The following TRPS1 variants were observed in gnomAD, a reference collection of about 807,000 sequenced individuals.
TRPS1 encodes the protein transcriptional repressor GATA binding 1.
In TRPS1, 6 loss-of-function variants were observed where a neutral mutation model predicts 101.2. The ratio of observed to expected loss-of-function variants is 0.06; its 90% CI spans 0.03 to 0.12. The LOEUF (loss-of-function observed/expected upper bound fraction) is 0.12. TRPS1 is among the 10% of genes least tolerant of loss of function. The pLI, the probability that TRPS1 is intolerant of heterozygous loss-of-function variation, is 1.00. For synonymous variants in TRPS1, 578 were observed against 589.8 expected, an observed-to-expected ratio of 0.98 and a Z score of 0.29; for missense variants, 1,363 against 1,567.0, an observed-to-expected ratio of 0.87 and a Z score of 2.20.
chr8:115,655,599 A>G (rs1421134460), intron 1 of TRPS1, among the ~76,000 whole-genome samples: 1 of 152,184 alleles, frequency 6.6e-6, no homozygotes, highest in Non-Finnish European at 1.5e-5. Context: ...ACATTCTGTT[A>G]GCTCAGAAAG....
In TRPS1 at chr8:115,587,220, C is replaced by T. The variant is rs778380960; in HGVS notation, c.2481G>A (p.Leu827=). ...PSYTQASLGL[L]TPVSGTQEQT... ...GCTCTTGGGTGCCAGACACAGGCGT[C>T]AGCAGCCCCAGGCTTGCTTGGGTGT... The change falls in exon 5 of 7, where the codon CTG becomes CTA. Residue 827 remains leucine (L), a synonymous_variant. Transcript: ENST00000395715. 1 of 1,614,232 alleles carries T rather than the reference C, an allele frequency of 6.2e-7. No homozygotes were observed. Among genetic ancestry groups the T allele is most frequent in the South Asian group, 1.1e-5 (1 of 91,088 alleles).
intron 5 of TRPS1, among the ~76,000 whole-genome samples, chr8:115,540,841 T>C (rs1816435345): frequency 6.6e-6 from 1 of 151,900 alleles, no homozygotes; most frequent in South Asian, 2.1e-4. Context: ...ATATCTAATA[T>C]ATACCCATGA....
intron 5 of TRPS1, among the ~76,000 whole-genome samples, chr8:115,550,730 G>A (rs555578967): frequency 6.6e-6 from 1 of 152,202 alleles, no homozygotes; most frequent in East Asian, 1.9e-4. Flanking sequence ...AAAGCCCTTG[G>A]TATTCTTGGA....
chr8:115,434,785 A>C (rs1270772269), intron 5 of TRPS1, among the ~76,000 whole-genome samples: 1 of 152,212 alleles, frequency 6.6e-6, no homozygotes, highest in African/African-American at 2.4e-5. Context: ...AATGCTTATA[A>C]CCTGTCGAAA....
At chr8:115,511,323 C>G (rs1815577028) in intron 5 of TRPS1, 1 of 151,864 alleles carries the variant, frequency 6.6e-6, no homozygotes, top group Non-Finnish European at 1.5e-5. Flanking sequence ...GACAACCTAA[C>G]CAGAATGATA....
intron 1 of TRPS1, among the ~76,000 whole-genome samples, chr8:115,658,585 T>C (rs182313768): frequency 6.8e-4 from 104 of 152,242 alleles, no homozygotes; most frequent in African/African-American, 2.3e-3. Context: ...GCTCTAATCA[T>C]TATTACTCTC....
intron 5 of TRPS1, among the ~76,000 whole-genome samples, chr8:115,529,069 C>T (rs564813758): frequency 2.2e-4 from 33 of 151,690 alleles, no homozygotes; most frequent in Non-Finnish European, 4.3e-4. Flanking sequence ...AGGAAGGAGA[C>T]GATTAAAAAC....
chr8:115,469,032 C>T (rs1814397714), intron 5 of TRPS1, among the ~76,000 whole-genome samples: 1 of 152,060 alleles, frequency 6.6e-6, no homozygotes, highest in South Asian at 2.1e-4. Context: ...GTACCAGCTA[C>T]TTCGTAGGCT....
intron 4 of TRPS1, among the ~76,000 whole-genome samples, chr8:115,600,596 C>T (rs1212943888): frequency 2.0e-5 from 3 of 152,240 alleles, no homozygotes; most frequent in East Asian, 3.9e-4. Context: ...TGTAACCTCA[C>T]ATTCCAAGCT....
At position 115,502,778 on chromosome 8, in the gene TRPS1, T is replaced by A. The variant is rs192171269; in HGVS notation, c.2700+84223A>T. On this transcript the variant is annotated intron_variant, in intron 5 of 6. Transcript: ENST00000395715. ...TACATGCATACACATTATTTTGAAA[T>A]GGCATCTCATGTATTTAATATTTAA... is the stretch of plus-strand genomic sequence containing the variant. Among the ~76,000 whole-genome samples, 4 of 152,290 alleles carry A rather than the reference T, an allele frequency of 2.6e-5. No individual in the cohort carries two copies. In the East Asian group the frequency reaches 7.7e-4, roughly 29 times the overall value.
chr8:115,459,466 G>C (rs920693448), intron 5 of TRPS1, among the ~76,000 whole-genome samples: 1 of 151,984 alleles, frequency 6.6e-6, no homozygotes, highest in Admixed American at 6.5e-5. Flanking sequence ...ATTTACCTAA[G>C]TTTTGAGCCA....
chr8:115,576,278 CAT>C (rs3071244), intron 5 of TRPS1, among the ~76,000 whole-genome samples: 12 of 144,308 alleles, frequency 8.3e-5, no homozygotes, highest in African/African-American at 1.3e-4. Context: ...ATTTGTAGTT[CAT>C]ATATATATAT....
At chr8:115,526,747 G>A (rs1279857529) in intron 5 of TRPS1, among the ~76,000 whole-genome samples, 1 of 152,144 alleles carries the variant, frequency 6.6e-6, no homozygotes, top group Non-Finnish European at 1.5e-5. Flanking sequence ...TAAATTATGT[G>A]TCAAAGAACC....
intron 4 of TRPS1, among the ~76,000 whole-genome samples, chr8:115,594,622 A>AT (rs5894277): frequency 1 from 152,064 of 152,064 alleles, 76,032 homozygotes; most frequent in Non-Finnish European, 1. Flanking sequence ...GAAAAATGTT[A>AT]TTCTTATCTA....
chr8:115,448,079 T>C (rs1034173729), intron 5 of TRPS1, among the ~76,000 whole-genome samples: 3 of 152,108 alleles, frequency 2.0e-5, no homozygotes, highest in Admixed American at 2.0e-4. Context: ...ATAGATTCAA[T>C]ATAATAAAGT....
chr8:115,477,847 C>A (rs1216075862), intron 5 of TRPS1, among the ~76,000 whole-genome samples: 1 of 151,582 alleles, frequency 6.6e-6, no homozygotes, highest in East Asian at 1.9e-4. Context: ...ATAGCTAGAT[C>A]CATCCACATT....
intron 5 of TRPS1, among the ~76,000 whole-genome samples, chr8:115,585,181 C>T (rs1021364107): frequency 1.3e-5 from 2 of 152,134 alleles, no homozygotes; most frequent in South Asian, 2.1e-4. Context: ...ACTGAAAAGG[C>T]TGTTAAAATG....
At chr8:115,445,078 T>C (rs887270628) in intron 5 of TRPS1, among the ~76,000 whole-genome samples, 1 of 152,168 alleles carries the variant, frequency 6.6e-6, no homozygotes, top group African/African-American at 2.4e-5. Flanking sequence ...CAATTACCCA[T>C]CACCCTTCTC....
At chr8:115,601,443 G>A (rs1292700154) in intron 4 of TRPS1, among the ~76,000 whole-genome samples, 2 of 152,088 alleles carry the variant, frequency 1.3e-5, no homozygotes, top group African/African-American at 4.8e-5. Flanking sequence ...TTTCAGTCGA[G>A]TTTCTTTATC....
Sources: allele counts gnomAD v4.1 joint callset (sites outside exome capture counted in the v4.1 genomes callset), GRCh38; gene constraint gnomAD v4.1.1; transcripts MANE v1.5; gene names NCBI Gene and HGNC (gene_info 2026-07-23, HGNC 2026-07-21).